Variants in HS6ST2 observed in about 807,000 individuals in gnomAD.
HS6ST2 encodes heparan-sulfate 6-O-sulfotransferase 2.
In HS6ST2, 17 loss-of-function variants were observed where a neutral mutation model predicts 33.0. The ratio of observed to expected loss-of-function variants is 0.52; its 90% CI spans 0.35 to 0.77. The LOEUF (loss-of-function observed/expected upper bound fraction) is 0.77. Ranked by LOEUF, HS6ST2 falls within the 30% of genes least tolerant of loss-of-function variation. The probability of loss-of-function intolerance (pLI) is 0.01; values close to 1 mark genes in which losing one functional copy is unlikely to be tolerated. For synonymous variants in HS6ST2, 248 were observed against 237.1 expected (o/e 1.05, Z -0.42); for missense variants, 519 against 551.7 (o/e 0.94, Z 0.59).
chrX:132,828,871 A>G (rs1475216259), intron 2 of HS6ST2, among the ~76,000 whole-genome samples: 1 of 102,877 alleles, frequency 9.7e-6, no homozygotes, highest in African/African-American at 3.6e-5. Context: ...TGCTGTATTT[A>G]TATATTTAAA....
intron 4 of HS6ST2, among the ~76,000 whole-genome samples, chrX:132,633,915 C>T (rs1387895086): frequency 8.9e-6 from 1 of 111,859 alleles, no homozygotes; most frequent in African/African-American, 3.3e-5. Context: ...TATCACCTTC[C>T]TCATTCTTGA....
intron 2 of HS6ST2, among the ~76,000 whole-genome samples, chrX:132,821,658 T>G (rs1429098182): frequency 4.6e-5 from 5 of 109,793 alleles, no homozygotes; most frequent in African/African-American, 1.3e-4. Flanking sequence ...TCTAAAAGAG[T>G]CCAGTTCTAA....
At chrX:132,775,523 T>A (rs895357351) in intron 2 of HS6ST2, among the ~76,000 whole-genome samples, 2 of 112,008 alleles carry the variant, frequency 1.8e-5, no homozygotes, top group Admixed American at 1.9e-4. Context: ...CTTTTCTAAG[T>A]GAAATTACTA....
At chrX:132,956,474 C>A (rs1357682130) in intron 2 of HS6ST2, among the ~76,000 whole-genome samples, 3 of 111,810 alleles carry the variant, frequency 2.7e-5, no homozygotes, top group Non-Finnish European at 5.7e-5. Flanking sequence ...GAGCGCGGCT[C>A]TTTAGGGCTC....
At chrX:132,808,012 T>C in intron 2 of HS6ST2, among the ~76,000 whole-genome samples, 1 of 112,106 alleles carries the variant, frequency 8.9e-6, no homozygotes, top group Middle Eastern at 4.6e-3. Flanking sequence ...GTGCATTTAC[T>C]TCCAAGCTAG....
intron 2 of HS6ST2, among the ~76,000 whole-genome samples, chrX:132,883,421 G>A (rs1315863184): frequency 9.0e-6 from 1 of 111,283 alleles, no homozygotes; most frequent in African/African-American, 3.3e-5. Context: ...GTGTAGAGGT[G>A]TTTATAGTAT....
chrX:132,731,659 A>G (rs912500898), intron 2 of HS6ST2, among the ~76,000 whole-genome samples: 3 of 111,236 alleles, frequency 2.7e-5, no homozygotes. Context: ...CATCCTGGCT[A>G]ACACGGTGAA....
At chrX:132,895,510 C>T (rs1391876451) in intron 2 of HS6ST2, among the ~76,000 whole-genome samples, 1 of 110,746 alleles carries the variant, frequency 9.0e-6, no homozygotes, top group African/African-American at 3.3e-5. Context: ...ATAATTTAGC[C>T]TTTTCATTTG....
chrX:132,904,533 TTGTGTG>T (rs58820779), intron 2 of HS6ST2, among the ~76,000 whole-genome samples: 1 of 94,531 alleles, frequency 1.1e-5, no homozygotes, highest in African/African-American at 4.0e-5. Flanking sequence ...TTTTTTCTCT[TTGTGTG>T]TGTGTGTGTG....
intron 3 of HS6ST2, among the ~76,000 whole-genome samples, chrX:132,700,686 A>G (rs1280333134): frequency 9.1e-6 from 1 of 110,280 alleles, no homozygotes; most frequent in Non-Finnish European, 1.9e-5. Flanking sequence ...AAGAGACTCA[A>G]AGTACTGAGA....
chrX:132,839,314 A>ATG (rs2065684585), intron 2 of HS6ST2, among the ~76,000 whole-genome samples: 1 of 25,716 alleles, frequency 3.9e-5, no homozygotes, highest in Non-Finnish European at 7.0e-5. Flanking sequence ...ATATATATAT[A>ATG]TACACACACA....
intron 2 of HS6ST2, among the ~76,000 whole-genome samples, chrX:132,709,580 T>C (rs2064213709): frequency 9.0e-6 from 1 of 110,805 alleles, no homozygotes; most frequent in Non-Finnish European, 1.9e-5. Context: ...AAAAGCGATA[T>C]ACTTGGTGAG....
chrX:132,854,175 A>G (rs1403480584), intron 2 of HS6ST2, among the ~76,000 whole-genome samples: 2 of 112,502 alleles, frequency 1.8e-5, no homozygotes, highest in Non-Finnish European at 3.7e-5. Flanking sequence ...GCTAGTCACA[A>G]TGCTGTTCCT....
At chrX:132,630,584 G>A (rs1293370696) in intron 4 of HS6ST2, among the ~76,000 whole-genome samples, 1 of 111,556 alleles carries the variant, frequency 9.0e-6, no homozygotes, top group East Asian at 2.8e-4. Flanking sequence ...ACCCCACTCT[G>A]TGTTGCCAGT....
intron 2 of HS6ST2, among the ~76,000 whole-genome samples, chrX:132,802,087 A>G (rs941881449): frequency 8.9e-6 from 1 of 112,092 alleles, no homozygotes; most frequent in Non-Finnish European, 1.9e-5. Flanking sequence ...AAATATCTGT[A>G]TAACATATAA....
chrX:132,778,088 T>A (rs1015757412), intron 2 of HS6ST2, among the ~76,000 whole-genome samples: 6 of 112,437 alleles, frequency 5.3e-5, no homozygotes, highest in African/African-American at 1.9e-4. Context: ...TGTCATGGCA[T>A]ACATTTTCCC....
chrX:132,637,821 TA>T lies in HS6ST2; in HGVS notation c.1068-8729del, dbSNP rs1391355623. 9.3e-3 allele frequency among the ~76,000 whole-genome samples: 578 copies of T among 62,216 alleles called. 13 individuals carry two copies. Among genetic ancestry groups the T allele is most frequent in the African/African-American group, 0.042 (564 of 13,306 alleles). 54.0% of individuals were successfully genotyped at this position (62,216 alleles called of 115,157 possible). On this transcript the variant is annotated intron_variant, in intron 4 of 4. Coordinates refer to ENST00000370833, the MANE Select transcript of HS6ST2 (RefSeq NM_001394073.1). Reference sequence around the variant, plus strand: ...ATAATATTATATATTATTTTATATATATAATATTATATATAATATTTTATAT... The same window carrying T: ...ATAATATTATATATTATTTTATATATTAATATTATATATAATATTTTATAT...
chrX:132,648,538 C>CAAAAAAAAAA lies in HS6ST2; in HGVS notation c.1068-19455_1068-19446dup. 3.5e-5 allele frequency among the ~76,000 whole-genome samples: 2 copies of CAAAAAAAAAA among 57,550 alleles called. 1 individual carries two copies. The highest frequency in any genetic ancestry group is 1.2e-3 in the East Asian group (2 of 1,724). 50.0% of individuals were successfully genotyped at this position (57,550 alleles called of 115,157 possible). On this transcript the variant is annotated intron_variant, in intron 4 of 4. Coordinates refer to ENST00000370833, the MANE Select transcript of HS6ST2 (RefSeq NM_001394073.1). ...ACTGAAAATTGCATGTGGAAAGAGA[C>CAAAAAAAAAA]AAAAAAAAAAAAAAAAAAGGTTGGG...
chrX:132,666,222 T>C (rs1173084174), intron 4 of HS6ST2, among the ~76,000 whole-genome samples: 2 of 110,900 alleles, frequency 1.8e-5, no homozygotes, highest in African/African-American at 6.6e-5. Flanking sequence ...GGAGCCTTTA[T>C]TGATATCCCC....
Sources: gnomAD v4.1 joint callset for allele counts (sites outside exome capture counted in the v4.1 genomes callset) on GRCh38, gnomAD v4.1.1 for gene constraint, MANE v1.5 for transcripts, NCBI Gene and HGNC (gene_info 2026-07-23, HGNC 2026-07-21) for gene names.